ANO3: variants seen among roughly 807,000 people sequenced by gnomAD.
ANO3 encodes the protein anoctamin 3.
Under a neutral mutation model 144.8 loss-of-function variants are expected in ANO3, and 99 were observed. The observed-to-expected ratio is 0.68, with a 90% CI of 0.58 to 0.81. ANO3 has a LOEUF of 0.81. Ranked by LOEUF, ANO3 falls within the 30% of genes least tolerant of loss-of-function variation. ANO3 has a pLI of 0.00. For synonymous variants in ANO3, 414 were observed against 392.6 expected (o/e 1.05, Z -0.64); for missense variants, 905 against 1,202.2 (o/e 0.75, Z 3.66).
At chr11:26,429,639 T>C (rs1332613447) in intron 1 of ANO3, among the ~76,000 whole-genome samples, 3 of 152,132 alleles carry the variant, frequency 2.0e-5, no homozygotes, top group Admixed American at 2.0e-4. Context: ...AAACCCACTC[T>C]GTGCTGTATA....
At chr11:26,592,121 T>C (rs172415) in intron 14 of ANO3, among the ~76,000 whole-genome samples, 131,528 of 152,040 alleles carry the variant, frequency 0.87, 57,331 homozygotes, top group East Asian at 0.96. Context: ...GGCTCTCTCT[T>C]GGTCAAACAC....
rs758547780 is a variant in ANO3, at chr11:26,656,443, A to G, written c.2725A>G (p.Ile909Val). 6.2e-7 allele frequency: 1 copy of G among 1,612,438 alleles called. No individual in the cohort carries two copies. The highest frequency in any genetic ancestry group is 8.5e-7 in the Non-Finnish European group (1 of 1,178,566). The stretch of plus-strand genomic sequence containing the variant: ...TGAGTTTACTTTACAATACTGGCAT[A>G]TCCTTGCTGCTAGATTGGCCTTCAT... The part of the protein sequence containing the change: ...PYEFTLQYWH[I>V]LAARLAFIIV... The change falls in exon 26 of 27, where the codon ATC becomes GTC. Residue 909 changes from isoleucine to valine, a missense_variant. Ile to Val is a conservative substitution (Grantham distance 29). Coordinates refer to ENST00000256737, the MANE Select transcript of ANO3 (RefSeq NM_031418.4).
exon 1 of ANO3, chr11:26,309,677 C>G: frequency 1.0e-6 from 1 of 985,300 alleles, no homozygotes; most frequent in Non-Finnish European, 1.2e-6. Flanking sequence ...TCATCGTGAG[C>G]TTGAGAAGAG....
intron 1 of ANO3, among the ~76,000 whole-genome samples, chr11:26,282,441 G>T (rs1210858141): frequency 6.6e-6 from 1 of 151,740 alleles, no homozygotes; most frequent in Non-Finnish European, 1.5e-5. Flanking sequence ...CCTGCATTCT[G>T]CATATTAATT....
intron 1 of ANO3, among the ~76,000 whole-genome samples, chr11:26,224,596 A>T (rs1852218507): frequency 6.6e-6 from 1 of 152,134 alleles, no homozygotes; most frequent in African/African-American, 2.4e-5. Context: ...CCACATTTTT[A>T]CTATGTTGGA....
intron 1 of ANO3, among the ~76,000 whole-genome samples, chr11:26,262,073 G>A (rs1158109144): frequency 6.6e-6 from 1 of 152,140 alleles, no homozygotes; most frequent in Non-Finnish European, 1.5e-5. Flanking sequence ...GATAAGAAAA[G>A]TTTCTCCTAG....
At chr11:26,486,376 A>G (rs1860451044) in intron 4 of ANO3, among the ~76,000 whole-genome samples, 1 of 151,660 alleles carries the variant, frequency 6.6e-6, no homozygotes, top group Non-Finnish European at 1.5e-5. Flanking sequence ...AAAAAAAAAA[A>G]AAAGGAAGTC....
chr11:26,304,755 A>G (rs1854333476), upstream of ANO3, among the ~76,000 whole-genome samples: 1 of 152,230 alleles, frequency 6.6e-6, no homozygotes, highest in African/African-American at 2.4e-5. Context: ...AATGTTACAC[A>G]TAGTATGGCA....
intron 1 of ANO3, among the ~76,000 whole-genome samples, chr11:26,276,668 C>T (rs1441480820): frequency 6.6e-6 from 1 of 152,120 alleles, no homozygotes; most frequent in Non-Finnish European, 1.5e-5. Context: ...CTAGGTTAGA[C>T]CACGCTTTCA....
At chr11:26,516,715 A>T in intron 5 of ANO3, 112 bp from the exon 6 acceptor site, 1 of 577,072 alleles carries the variant, frequency 1.7e-6, no homozygotes, top group Non-Finnish European at 3.0e-6. Flanking sequence ...AATCAGTGTC[A>T]GTGATCATGC....
At chr11:26,204,030 A>G (rs1851748553) in intron 1 of ANO3, among the ~76,000 whole-genome samples, 1 of 152,110 alleles carries the variant, frequency 6.6e-6, no homozygotes, top group Admixed American at 6.6e-5. Context: ...GTGTCATATG[A>G]CTAGTACTAT....
intron 1 of ANO3, among the ~76,000 whole-genome samples, chr11:26,303,416 C>T (rs1035556322): frequency 2.0e-5 from 3 of 152,102 alleles, no homozygotes; most frequent in African/African-American, 2.4e-5. Context: ...CAACTGGAGG[C>T]CATTATCCTG....
intron 17 of ANO3, among the ~76,000 whole-genome samples, chr11:26,620,906 A>G (rs1852396381): frequency 6.6e-6 from 1 of 152,212 alleles, no homozygotes; most frequent in African/African-American, 2.4e-5. Flanking sequence ...TCATCTCATA[A>G]GAGGATTGGC....
rs114726990 is a variant in ANO3, at chr11:26,349,970, G to A, written c.46+17649G>A. Among the ~76,000 whole-genome samples, 785 of 152,266 alleles carry A rather than the reference G, an allele frequency of 5.2e-3. 6 individuals carry two copies. Among genetic ancestry groups the A allele is most frequent in the African/African-American group, 0.018 (755 of 41,544 alleles). Reference sequence around the variant, plus strand: ...AGTGACCTCCTTGCATGGAGGAGCAGATGTCCCCTGGCATTTCCCCCTTCC... The same window carrying A: ...AGTGACCTCCTTGCATGGAGGAGCAAATGTCCCCTGGCATTTCCCCCTTCC... On this transcript the variant is annotated intron_variant, in intron 1 of 26. Coordinates refer to ENST00000256737, the MANE Select transcript of ANO3 (RefSeq NM_031418.4).
At chr11:26,652,292 T>A (rs1483859492) in intron 24 of ANO3, among the ~76,000 whole-genome samples, 1 of 152,226 alleles carries the variant, frequency 6.6e-6, no homozygotes, top group African/African-American at 2.4e-5. Flanking sequence ...AGCTTCTCCT[T>A]GCTCCTCAAG....
At chr11:26,304,037 T>C (rs1302555826) in intron 1 of ANO3, among the ~76,000 whole-genome samples, 1 of 152,188 alleles carries the variant, frequency 6.6e-6, no homozygotes, top group Non-Finnish European at 1.5e-5. Flanking sequence ...AAGTTTCTTG[T>C]GATCAAATCT....
intron 12 of ANO3, among the ~76,000 whole-genome samples, chr11:26,551,322 T>C (rs551007547): frequency 8.7e-4 from 132 of 152,054 alleles, no homozygotes; most frequent in African/African-American, 2.9e-3. Context: ...ATTTGAGTGG[T>C]TGTTTGGATT....
intron 1 of ANO3, among the ~76,000 whole-genome samples, chr11:26,366,822 G>T (rs1856101274): frequency 7.2e-6 from 1 of 138,688 alleles, no homozygotes; most frequent in East Asian, 2.1e-4. Flanking sequence ...TTTTGATGGG[G>T]TTGTTTGTTT....
chr11:26,573,238 G>A (rs1850896021), intron 14 of ANO3, among the ~76,000 whole-genome samples: 3 of 152,092 alleles, frequency 2.0e-5, no homozygotes, highest in Non-Finnish European at 1.5e-5. Flanking sequence ...ATTGGCCCGA[G>A]GAAAGAACAA....
Sources: allele counts gnomAD v4.1 joint callset (sites outside exome capture counted in the v4.1 genomes callset), GRCh38; gene constraint gnomAD v4.1.1; transcripts MANE v1.5; gene names NCBI Gene and HGNC (gene_info 2026-07-23, HGNC 2026-07-21).